PABPC4: variants seen among roughly 807,000 people sequenced by gnomAD.
PABPC4 encodes poly(A) binding protein cytoplasmic 4.
PABPC4 carries 15 observed loss-of-function variants against 74.5 expected under a neutral mutation model. The observed-to-expected ratio is 0.20, with a 90% CI of 0.13 to 0.31. PABPC4 has a LOEUF of 0.31. PABPC4 is among the 10% of genes least tolerant of loss of function. The pLI is 1.00. For missense variants in PABPC4, 610 were observed against 853.5 expected (o/e 0.71, Z 3.55); for synonymous variants, 345 against 303.0 (o/e 1.14, Z -1.44).
chr1:39,576,125 G>A lies in PABPC4; in HGVS notation c.-174C>T, dbSNP rs893609943. On this transcript the variant is annotated 5_prime_UTR_variant, in exon 1 of 16. Coordinates refer to ENST00000372858, the MANE Select transcript of PABPC4 (RefSeq NM_001135653.2). ...GGAGACGGGACGGAAACGGGAGGCG[G>A]GGGCCGGCTCCCACGGCCGCAGCAC... is the stretch of plus-strand genomic sequence containing the variant. 1.9e-6 allele frequency: 1 copy of A among 517,504 alleles called. No individual in the cohort carries two copies. The highest frequency in any genetic ancestry group is 3.4e-6 in the Non-Finnish European group (1 of 294,742). 32.1% of individuals were successfully genotyped at this position (517,504 alleles called of 1,614,324 possible).
At position 39,571,283 on chromosome 1, in the gene PABPC4, C is replaced by T. The variant is rs754646844; in HGVS notation, c.454G>A (p.Asp152Asn). 11 of 1,614,078 alleles carry T rather than the reference C, an allele frequency of 6.8e-6. No individual in the cohort carries two copies. The highest frequency in any genetic ancestry group is 2.2e-5 in the East Asian group (1 of 44,898). Residue 152 changes from aspartate to asparagine, a missense_variant, in exon 3 of 16, where the codon GAC becomes AAC. Transcript: ENST00000372858. ...CCATTCATCTTCTCGATGGCCTTGTCGGCAGCCTCTTGGGTCTCGAAGTGG... is the reference window on the plus strand; with the variant it reads ...CCATTCATCTTCTCGATGGCCTTGTTGGCAGCCTCTTGGGTCTCGAAGTGG... The part of the protein sequence containing the change: ...FVHFETQEAA[D>N]KAIEKMNGML...
At chr1:39,575,712 G>C (rs758711404) in intron 1 of PABPC4, 47 bp downstream of exon 1, 6 of 1,450,084 alleles carry the variant, frequency 4.1e-6, no homozygotes, top group Non-Finnish European at 4.6e-6. Flanking sequence ...GACGACTCCC[G>C]GGGTCCTCCG....
Position 39,576,137 on chromosome 1 carries a change from C to A in PABPC4, c.-186G>T. 1 of 515,370 alleles carries A rather than the reference C, an allele frequency of 1.9e-6. No individual in the cohort carries two copies. The highest frequency in any genetic ancestry group is 3.4e-6 in the Non-Finnish European group (1 of 292,416). 31.9% of individuals were successfully genotyped at this position (515,370 alleles called of 1,614,324 possible). A position where few individuals can be genotyped will look rare whatever the true frequency, so the allele number is the denominator to read the frequency against. On this transcript the variant is annotated 5_prime_UTR_variant, in exon 1 of 16. Coordinates refer to ENST00000372858, the MANE Select transcript of PABPC4 (RefSeq NM_001135653.2). The stretch of plus-strand genomic sequence containing the variant: ...GAAACGGGAGGCGGGGGCCGGCTCC[C>A]ACGGCCGCAGCACCGCAGACAAAAG...
chr1:39,565,017 T>C (rs957919568), intron 8 of PABPC4, 89 bp downstream of exon 8: 13 of 1,393,684 alleles, frequency 9.3e-6, no homozygotes, highest in African/African-American at 4.3e-5. Flanking sequence ...ATTCTAGAAC[T>C]CTAATAACGA....
chr1:39,568,678 T>C, intron 6 of PABPC4, 124 bp downstream of exon 6: 1 of 877,282 alleles, frequency 1.1e-6, no homozygotes, highest in East Asian at 2.4e-5. Flanking sequence ...ACCTCATCTT[T>C]TTAGGTAAAA....
rs1645959148 is a variant in PABPC4 at position 39,572,655 on chromosome 1, C to T, written c.194-69G>A. On this transcript the variant is annotated intron_variant, in intron 1 of 15. Coordinates refer to ENST00000372858, the MANE Select transcript of PABPC4 (RefSeq NM_001135653.2). ...CTCCCACAGGCCAACAGCCTAAGAA[C>T]AGATTACTCCAGGACTTTTCAAGGT... is the stretch of plus-strand genomic sequence containing the variant. 3 of 1,181,812 alleles carry T rather than the reference C, an allele frequency of 2.5e-6. No homozygotes were observed. The Admixed American group carries it at 6.2e-5, about 24-fold the overall frequency. 73.2% of individuals were successfully genotyped at this position (1,181,812 alleles called of 1,614,324 possible). A position where few individuals can be genotyped will look rare whatever the true frequency, so the allele number is the denominator to read the frequency against.
intron 1 of PABPC4, among the ~76,000 whole-genome samples, chr1:39,575,332 G>C (rs1049821691): frequency 6.6e-6 from 1 of 152,278 alleles, no homozygotes; most frequent in Admixed American, 6.5e-5. Context: ...GTGGCGGAGC[G>C]GGCAGGAGCT....
At chr1:39,561,838 C>T (rs534441512) in intron 14 of PABPC4, 51 bp from the exon 15 acceptor site, 1 of 1,496,852 alleles carries the variant, frequency 6.7e-7, no homozygotes, top group African/African-American at 1.4e-5. Context: ...TACTCCACCC[C>T]TCCCCAGTGC....
rs779323350 is a variant in PABPC4, at chr1:39,571,721, A to T, written c.388-372T>A. On this transcript the variant is annotated intron_variant, in intron 2 of 15. Transcript: ENST00000372858. ...GACCCTGTCTCTACAAAAAAGAAAAAAATTAAATGAGTGTGGTGGCACGTG... is the reference window on the plus strand; with the variant it reads ...GACCCTGTCTCTACAAAAAAGAAAATAATTAAATGAGTGTGGTGGCACGTG... The T allele has an allele frequency of 4.8e-6, 2 of 420,016 alleles. 1 individual carries two copies. The highest frequency in any genetic ancestry group is 3.4e-5 in the South Asian group (2 of 58,450). The allele number at this position is 420,016 out of a possible 1,614,324, so 26.0% of individuals were successfully genotyped here.
intron 1 of PABPC4, 147 bp downstream of exon 1, chr1:39,575,612 C>T: frequency 5.1e-6 from 3 of 592,802 alleles, no homozygotes; most frequent in South Asian, 2.3e-5. Flanking sequence ...ATGCCAGGTC[C>T]GCGTTCTCAA....
rs201997383 is a variant in PABPC4, at chr1:39,562,345, G to A, written c.1740C>T (p.Pro580=). ...LTASMLAAAP[P]QEQKQMLGER... is the part of the protein sequence containing the mutation. ...CACCCAGCATCTGCTTCTGTTCCTG[G>A]GGGGGTGCTGCAGCCAGCATGGAGG... is the stretch of plus-strand genomic sequence containing the variant. Residue 580 remains proline, a synonymous_variant, in exon 13 of 16, where the codon CCC becomes CCT. Coordinates refer to ENST00000372858, the MANE Select transcript of PABPC4 (RefSeq NM_001135653.2). 23 of 1,614,006 alleles carry A rather than the reference G, an allele frequency of 1.4e-5. No homozygotes were observed. The highest frequency in any genetic ancestry group is 1.9e-5 in the Non-Finnish European group (23 of 1,179,942).
At position 39,565,396 on chromosome 1, in the gene PABPC4, C is replaced by T. The variant is rs1426331037; in HGVS notation, c.973-18G>A. 1.9e-6 allele frequency: 3 copies of T among 1,599,426 alleles called. No homozygotes were observed. Among genetic ancestry groups the T allele is most frequent in the Admixed American group, 3.4e-5 (2 of 59,464 alleles). On this transcript the variant is annotated intron_variant, in intron 7 of 15. Transcript: ENST00000372858. ...AGCATTACCTACAAAATGAGACCAGCTACTTAAGAAATAAGGTGTCCCTGG... is the reference window on the plus strand; with the variant it reads ...AGCATTACCTACAAAATGAGACCAGTTACTTAAGAAATAAGGTGTCCCTGG...
At chr1:39,572,678 G>T in intron 1 of PABPC4, 92 bp from the exon 2 acceptor site, 1 of 931,404 alleles carries the variant, frequency 1.1e-6, no homozygotes, top group Non-Finnish European at 1.6e-6. Flanking sequence ...GACTTTTCAA[G>T]GTAATCACTC....
chr1:39,564,299 A>G, intron 10 of PABPC4, 124 bp downstream of exon 10: 2 of 1,164,282 alleles, frequency 1.7e-6, no homozygotes, highest in Non-Finnish European at 2.4e-6. Flanking sequence ...CTAAGCACAC[A>G]GCTAAGATTA....
intron 7 of PABPC4, chr1:39,567,537 A>G: frequency 1.5e-6 from 1 of 661,014 alleles, no homozygotes; most frequent in South Asian, 1.4e-5. Flanking sequence ...GGCTGGGTCA[A>G]ATTCCTCTCC....
At position 39,564,125 on chromosome 1, in the gene PABPC4, T is replaced by C. The variant is rs113975089; in HGVS notation, c.1454-203A>G. ...ACATATTCTGTATACACTGTTTCCT[T>C]GTATTCCTCACCCCACCCAAAAGAA... is the stretch of plus-strand genomic sequence containing the variant. On this transcript the variant is annotated intron_variant, in intron 10 of 15. Transcript: ENST00000372858. 1.5e-5 allele frequency: 9 copies of C among 615,818 alleles called. No individual in the cohort carries two copies. The African/African-American group carries it at 1.5e-4, about 10-fold the overall frequency. 38.1% of individuals were successfully genotyped at this position (615,818 alleles called of 1,614,324 possible).
At chr1:39,574,193 T>A (rs960814648) in intron 1 of PABPC4, among the ~76,000 whole-genome samples, 1 of 152,114 alleles carries the variant, frequency 6.6e-6, no homozygotes, top group Non-Finnish European at 1.5e-5. Context: ...GGGGGGTAGT[T>A]GGGAAAAGGG....
In PABPC4 at chr1:39,572,536, T is replaced by C. The variant is rs1188867236; in HGVS notation, c.244A>G (p.Ile82Val). The C allele has an allele frequency of 1.1e-5, 17 of 1,614,052 alleles. No individual in the cohort carries two copies. The highest frequency in any genetic ancestry group is 2.2e-5 in the East Asian group (1 of 44,892). The change falls in exon 2 of 16, where the codon ATC (isoleucine) becomes GTC (valine). Residue 82 changes from isoleucine (I) to valine (V), a missense_variant. By Grantham distance (29) the Ile-to-Val change is conservative. Coordinates refer to ENST00000372858, the MANE Select transcript of PABPC4 (RefSeq NM_001135653.2). The part of the protein sequence containing the change: ...MNFDVIKGKP[I>V]RIMWSQRDPS... ...TCCCTCTGAGACCACATGATGCGGA[T>C]TGGCTTTCCCTTAATCACATCAAAG...
At chr1:39,561,905 C>G in intron 14 of PABPC4, 118 bp from the exon 15 acceptor site, 2 of 1,174,008 alleles carry the variant, frequency 1.7e-6, no homozygotes, top group Non-Finnish European at 2.5e-6. Context: ...GCTTCTGGTG[C>G]TAACTACTTT....
Sources: gnomAD v4.1 joint callset for allele counts (sites outside exome capture counted in the v4.1 genomes callset) on GRCh38, gnomAD v4.1.1 for gene constraint, MANE v1.5 for transcripts, NCBI Gene and HGNC (gene_info 2026-07-23, HGNC 2026-07-21) for gene names.